The following ZNF273 variants were observed in gnomAD, a reference collection of about 807,000 sequenced individuals.
ZNF273 encodes the protein zinc finger protein 9.
Under a neutral mutation model 14.9 loss-of-function variants are expected in ZNF273, and 11 were observed. That is an observed-to-expected ratio of 0.74 (90% CI 0.46 to 1.22). The LOEUF (loss-of-function observed/expected upper bound fraction) is 1.22, where lower values mean the gene tolerates loss of function less well. Among genes scored for constraint, ZNF273 ranks in the 50% most tolerant of loss-of-function variants. The probability of loss-of-function intolerance (pLI) is 0.00; values close to 1 mark genes in which losing one functional copy is unlikely to be tolerated. For synonymous variants in ZNF273, 199 were observed against 223.9 expected, an observed-to-expected ratio of 0.89 and a Z score of 0.99; for missense variants, 577 against 660.6, an observed-to-expected ratio of 0.87 and a Z score of 1.39.
At chr7:64,913,449 T>C (rs1356683753) in intron 1 of ZNF273, among the ~76,000 whole-genome samples, 3 of 152,222 alleles carry the variant, frequency 2.0e-5, no homozygotes, top group Non-Finnish European at 4.4e-5. Flanking sequence ...TAACATACTC[T>C]TGAGAGTGAG....
intron 3 of ZNF273, among the ~76,000 whole-genome samples, chr7:64,925,469 G>T (rs187418880): frequency 6.6e-6 from 1 of 151,922 alleles, no homozygotes; most frequent in Non-Finnish European, 1.5e-5. Context: ...ACAGAGTCTC[G>T]CTCTGTTGCC....
chr7:64,888,206 TG>T, intron 1 of ZNF273: 2 of 765,366 alleles, frequency 2.6e-6, no homozygotes, highest in Non-Finnish European at 3.2e-6. Flanking sequence ...CCCTGAAGCC[TG>T]GCTGCTGCTG....
chr7:64,909,172 C>T (rs1018336404), intron 1 of ZNF273, among the ~76,000 whole-genome samples: 8 of 152,014 alleles, frequency 5.3e-5, no homozygotes, highest in African/African-American at 1.9e-4. Context: ...CTGCCTTGGC[C>T]TCCCAATGTG....
downstream of ZNF273, chr7:64,882,526 G>C (rs1487578804): frequency 1.3e-5 from 2 of 152,254 alleles, no homozygotes; most frequent in African/African-American, 4.8e-5. Flanking sequence ...AGGCGCCAGC[G>C]GCGAGCACTG....
At chr7:64,888,684 C>A in exon 2 of ZNF273, 1 of 985,760 alleles carries the variant, frequency 1.0e-6, no homozygotes, top group Non-Finnish European at 1.2e-6. Flanking sequence ...GCAAAGTCTT[C>A]GGGGTGAGAG....
chr7:64,902,396 G>T (rs1792777595), upstream of ZNF273, among the ~76,000 whole-genome samples: 1 of 152,112 alleles, frequency 6.6e-6, no homozygotes, highest in African/African-American at 2.4e-5. Context: ...ATATAATTGT[G>T]AACCTCAAAT....
intron 3 of ZNF273, chr7:64,924,277 A>G (rs1270252649): frequency 6.6e-6 from 1 of 152,178 alleles, no homozygotes; most frequent in Non-Finnish European, 1.5e-5. Context: ...TGTATAAGCT[A>G]TTGATAAGGG....
intron 3 of ZNF273, among the ~76,000 whole-genome samples, chr7:64,926,533 AT>A (rs1252029367): frequency 2.0e-5 from 3 of 152,056 alleles, no homozygotes; most frequent in Non-Finnish European, 2.9e-5. Context: ...ATTGAGTATT[AT>A]TCAATTTATT....
intron 1 of ZNF273, among the ~76,000 whole-genome samples, chr7:64,912,174 C>G (rs1343845388): frequency 6.6e-6 from 1 of 152,126 alleles, no homozygotes; most frequent in African/African-American, 2.4e-5. Context: ...GTTGGCCAGG[C>G]TGGTCTTGAA....
intron 1 of ZNF273, among the ~76,000 whole-genome samples, chr7:64,911,045 C>T (rs1793476062): frequency 6.6e-6 from 1 of 151,894 alleles, no homozygotes; most frequent in East Asian, 1.9e-4. Context: ...GGATTACAGG[C>T]GTGAGTGAGC....
At chr7:64,883,405 G>C (rs1297858408), downstream of ZNF273, among the ~76,000 whole-genome samples, 1 of 152,102 alleles carries the variant, frequency 6.6e-6, no homozygotes, top group Non-Finnish European at 1.5e-5. Context: ...GTCGTGAGGC[G>C]GGCACTCCTC....
At chr7:64,879,627 G>A (rs1471649002) in exon 3 of ZNF273, 1 of 152,288 alleles carries the variant, frequency 6.6e-6, no homozygotes, top group Non-Finnish European at 1.5e-5. Flanking sequence ...CCAGGATGAA[G>A]GAAGACAGTG....
intron 1 of ZNF273, among the ~76,000 whole-genome samples, chr7:64,912,873 G>A (rs1583991794): frequency 1.5e-5 from 1 of 68,590 alleles, no homozygotes; most frequent in African/African-American, 4.7e-5. Flanking sequence ...CTGTCATCCA[G>A]GCTGGAGTGC....
At chr7:64,899,176 G>C (rs571508414), upstream of ZNF273, among the ~76,000 whole-genome samples, 1 of 152,222 alleles carries the variant, frequency 6.6e-6, no homozygotes, top group East Asian at 1.9e-4. Context: ...CTTAACAATT[G>C]AGCAAAGCAA....
chr7:64,911,631 A>T (rs1286751092), intron 1 of ZNF273, among the ~76,000 whole-genome samples: 1 of 110,852 alleles, frequency 9.0e-6, no homozygotes, highest in Non-Finnish European at 2.1e-5. Flanking sequence ...ATTTATTTGA[A>T]TCGTCATTAA....
downstream of ZNF273, among the ~76,000 whole-genome samples, chr7:64,884,540 G>T (rs989777234): frequency 3.9e-5 from 6 of 151,984 alleles, no homozygotes; most frequent in South Asian, 1.2e-3. Context: ...CTTTATTGTC[G>T]TTCCTGCCTT....
upstream of ZNF273, among the ~76,000 whole-genome samples, chr7:64,901,438 C>T (rs901399645): frequency 2.6e-5 from 4 of 152,178 alleles, no homozygotes; most frequent in Non-Finnish European, 5.9e-5. Flanking sequence ...TGAGTTCAGC[C>T]TTCTTGGTAG....
chr7:64,912,730 A>G (rs988290749), intron 1 of ZNF273, among the ~76,000 whole-genome samples: 25 of 150,986 alleles, frequency 1.7e-4, no homozygotes, highest in African/African-American at 5.6e-4. Flanking sequence ...CATTTAGATT[A>G]TATGTAGATA....
In ZNF273 at chr7:64,903,275, C is replaced by T. The variant is rs1562955447; in HGVS notation, c.-43C>T. 3 of 1,525,768 alleles carry T rather than the reference C, an allele frequency of 2.0e-6. No individual in the cohort carries two copies. Among genetic ancestry groups the T allele is most frequent in the South Asian group, 1.1e-5 (1 of 88,844 alleles). 94.5% of individuals were successfully genotyped at this position (1,525,768 alleles called of 1,614,324 possible). A position where few individuals can be genotyped will look rare whatever the true frequency, so the allele number is the denominator to read the frequency against. On this transcript the variant is annotated 5_prime_UTR_variant, in exon 1 of 4. Transcript: ENST00000476120. ...TTCCGGGATTTGGCGGGGCCTTTGT[C>T]TCTCGCTGCAGTCGCAGCTCCAGGT...
Sources: allele counts gnomAD v4.1 joint callset (sites outside exome capture counted in the v4.1 genomes callset), GRCh38; gene constraint gnomAD v4.1.1; transcripts MANE v1.5; gene names NCBI Gene and HGNC (gene_info 2026-07-23, HGNC 2026-07-21).